TEPSIN: variants seen among roughly 807,000 people sequenced by gnomAD.
TEPSIN encodes the protein AP-4 complex accessory subunit tepsin.
Under a neutral mutation model 48.5 loss-of-function variants are expected in TEPSIN, and 50 were observed. That is an observed-to-expected ratio of 1.03 (90% CI 0.82 to 1.31). The LOEUF is 1.31. Among genes scored for constraint, TEPSIN ranks in the 50% most tolerant of loss-of-function variants. The pLI, the probability that TEPSIN is intolerant of heterozygous loss-of-function variation, is 0.00. For synonymous variants in TEPSIN, 392 were observed against 358.8 expected, an observed-to-expected ratio of 1.09 and a Z score of -1.05; for missense variants, 838 against 815.9, an observed-to-expected ratio of 1.03 and a Z score of -0.33.
At position 81,234,258 on chromosome 17, in the gene TEPSIN, C is replaced by G. The variant is rs61116961; in HGVS notation, c.308-210G>C. 0.035 allele frequency: 15,316 copies of G among 440,488 alleles called. 1,081 individuals are homozygous for G. Among genetic ancestry groups the G allele is most frequent in the African/African-American group, 0.21 (9,983 of 48,656 alleles). 27.3% of individuals were successfully genotyped at this position (440,488 alleles called of 1,614,324 possible). A position where few individuals can be genotyped will look rare whatever the true frequency, so the allele number is the denominator to read the frequency against. ...CCCCCTCACCCATGCCCCACAGAGG[C>G]GAGACTCTCTCCACAGCAACCACCT... On this transcript the variant is annotated intron_variant, in intron 4 of 12. Transcript: ENST00000637944. This position sits in a 1 kb window ranked among gnomAD's most constrained non-coding sequence, Gnocchi z 5.4.
chr17:81,238,707 G>A (rs2062770561), intron 1 of TEPSIN: 14 of 1,216,520 alleles, frequency 1.2e-5, no homozygotes, highest in Admixed American at 4.4e-5. Flanking sequence ...CCCGTCGGAG[G>A]CCACTGAATG....
intron 2 of TEPSIN, 69 bp from the exon 3 acceptor site, chr17:81,237,140 C>T: frequency 1.4e-6 from 2 of 1,474,054 alleles, no homozygotes; most frequent in Non-Finnish European, 1.8e-6. Context: ...GAGACCAGGC[C>T]ATGGGGCCTC....
In TEPSIN at chr17:81,228,934, G is replaced by T. The variant is rs753882637; in HGVS notation, c.1776C>A (p.Asn592Lys). 3 of 1,613,308 alleles carry T rather than the reference G, an allele frequency of 1.9e-6. No homozygotes were observed. The highest frequency in any genetic ancestry group is 2.5e-6 in the Non-Finnish European group (3 of 1,180,022). The change falls in exon 13 of 13, where the codon AAC becomes AAA. Residue 592 changes from asparagine to lysine, a missense_variant. By Grantham distance (94) the Asn-to-Lys change is moderately conservative (BLOSUM62 0). Transcript: ENST00000637944. ...CCAGGGCCAGGCCATCGGGTCAGGCGTTCAGGAACGCGAAAGCTGACGGCT... is the reference window on the plus strand; with the variant it reads ...CCAGGGCCAGGCCATCGGGTCAGGCTTTCAGGAACGCGAAAGCTGACGGCT... The part of the protein sequence containing the change: ...GSEPSAFAFL[N>K]A
At position 81,236,803 on chromosome 17, in the gene TEPSIN, TG is replaced by T; in HGVS notation, c.214-3del. The T allele has an allele frequency of 6.4e-7, 1 of 1,561,246 alleles. No individual in the cohort carries two copies. On this transcript the variant is annotated splice_polypyrimidine_tract_variant and splice_region_variant and intron_variant, in intron 3 of 12. Coordinates refer to ENST00000637944, the MANE Select transcript of TEPSIN (RefSeq NM_001363764.2). Reference sequence around the variant, plus strand: ...CAGATAGAGCAGGATCTTCAGCACCTGGGGAGTGGGGCGGTCAGCAGTGCTG... The same window carrying T: ...CAGATAGAGCAGGATCTTCAGCACCTGGGAGTGGGGCGGTCAGCAGTGCTG...
intron 8 of TEPSIN, 137 bp downstream of exon 8, chr17:81,232,178 G>C (rs2062627919): frequency 1.5e-6 from 2 of 1,307,720 alleles, no homozygotes; most frequent in Admixed American, 2.7e-5. Context: ...CAGCCCCATG[G>C]GCATGTGCTT....
In TEPSIN at chr17:81,237,476, G is replaced by A. The variant is rs762836514; in HGVS notation, c.49-17C>T. 1.2e-5 allele frequency: 19 copies of A among 1,600,872 alleles called. No individual in the cohort carries two copies. In the South Asian group the frequency reaches 2.1e-4, roughly 18 times the overall value. On this transcript the variant is annotated splice_polypyrimidine_tract_variant and intron_variant, in intron 1 of 12. Transcript: ENST00000637944. ...AATCGGGAGCTGAAAGGGAACAAGA[G>A]CCCCTACCATGATGAGGTGCCATTT...
In TEPSIN at chr17:81,233,553, G is replaced by T; in HGVS notation, c.455-50C>A. 1 of 1,563,712 alleles carries T rather than the reference G, an allele frequency of 6.4e-7. No homozygotes were observed. On this transcript the variant is annotated intron_variant, in intron 6 of 12. Coordinates refer to ENST00000637944, the MANE Select transcript of TEPSIN (RefSeq NM_001363764.2). The surrounding 1 kb of genome is among the most constrained non-coding windows in gnomAD (Gnocchi z 5.8). The stretch of plus-strand genomic sequence containing the variant: ...CAAGCCGGCCCCCACCCTCGGCCCT[G>T]CCCACGGATGGCACAGACACCCAGG...
Position 81,229,058 on chromosome 17 carries a change from A to G in TEPSIN, c.1652T>C (p.Val551Ala), listed in dbSNP as rs1431213571. ...GMELVACPRL[V>A]GAGAAAGESC... ...CTCTCCCGCAGCAGCCCCAGCCCCCACCAGGCGGGGACAGGCCACCAGCTC... is the reference window on the plus strand; with the variant it reads ...CTCTCCCGCAGCAGCCCCAGCCCCCGCCAGGCGGGGACAGGCCACCAGCTC... Residue 551 changes from valine (V) to alanine (A), a missense_variant, in exon 13 of 13, where the codon GTG becomes GCG. Physicochemically the swap from Val to Ala is moderately conservative, Grantham distance 64. Transcript: ENST00000637944. 1 of 1,613,410 alleles carries G rather than the reference A, an allele frequency of 6.2e-7. No homozygotes were observed. The highest frequency in any genetic ancestry group is 8.5e-7 in the Non-Finnish European group (1 of 1,179,926).
At chr17:81,237,915 G>A in intron 1 of TEPSIN, 2 of 941,984 alleles carry the variant, frequency 2.1e-6, no homozygotes, top group South Asian at 8.5e-5. Flanking sequence ...AGCGTGACTA[G>A]CTCCATCGCT....
intron 4 of TEPSIN, 26 bp downstream of exon 4, chr17:81,236,682 C>A (rs759363868): frequency 1.9e-6 from 3 of 1,549,470 alleles, no homozygotes; most frequent in Non-Finnish European, 2.6e-6. Context: ...CCTGGCTCTT[C>A]CTGAGCGCGT....
At chr17:81,231,104 CACA>C (rs1361793700) in intron 11 of TEPSIN, 2 of 545,164 alleles carry the variant, frequency 3.7e-6, no homozygotes, top group South Asian at 4.7e-5. Flanking sequence ...CACATACATA[CACA>C]ACCACACACA....
Position 81,233,267 on chromosome 17 carries a change from C to T in TEPSIN, c.526+165G>A, listed in dbSNP as rs2062655064. On this transcript the variant is annotated intron_variant, in intron 7 of 12. Coordinates refer to ENST00000637944, the MANE Select transcript of TEPSIN (RefSeq NM_001363764.2). This position sits in a 1 kb window ranked among gnomAD's most constrained non-coding sequence, Gnocchi z 5.8. ...CACACCTGCCCCACCCCCACGTCAGCAGCCAGAGAGAGACAGTGGGGACAG... is the reference window on the plus strand; with the variant it reads ...CACACCTGCCCCACCCCCACGTCAGTAGCCAGAGAGAGACAGTGGGGACAG... 1.2e-6 allele frequency: 1 copy of T among 806,596 alleles called. No homozygotes were observed. The highest frequency in any genetic ancestry group is 1.9e-6 in the Non-Finnish European group (1 of 525,764). 50.0% of individuals were successfully genotyped at this position (806,596 alleles called of 1,614,324 possible). A position where few individuals can be genotyped will look rare whatever the true frequency, so the allele number is the denominator to read the frequency against.
Position 81,230,456 on chromosome 17 carries a change from G to T in TEPSIN, c.1233+88C>A. On this transcript the variant is annotated intron_variant, in intron 12 of 12. Coordinates refer to ENST00000637944, the MANE Select transcript of TEPSIN (RefSeq NM_001363764.2). This position sits in a 1 kb window ranked among gnomAD's most constrained non-coding sequence, Gnocchi z 4.2. Reference sequence around the variant, plus strand: ...GTCCGGGAAGGGCTGACCAGGCGCCGGGCAGGGACGGGGTGGCCGTGGACT... The same window carrying T: ...GTCCGGGAAGGGCTGACCAGGCGCCTGGCAGGGACGGGGTGGCCGTGGACT... The T allele has an allele frequency of 6.5e-7, 1 of 1,541,846 alleles. No individual in the cohort carries two copies. Among genetic ancestry groups the T allele is most frequent in the East Asian group, 2.3e-5 (1 of 42,680 alleles).
chr17:81,234,709 T>C lies in TEPSIN; in HGVS notation c.308-661A>G, dbSNP rs1381427524. On this transcript the variant is annotated intron_variant, in intron 4 of 12. Transcript: ENST00000637944. This position sits in a 1 kb window ranked among gnomAD's most constrained non-coding sequence, Gnocchi z 5.4. ...TCCCGTGATTCGGAGACGATGCTCC[T>C]GGCTGTCCCTGGGCCCAGGGCTGGC... 2.0e-5 allele frequency among the ~76,000 whole-genome samples: 3 copies of C among 152,032 alleles called. No homozygotes were observed. The highest frequency in any genetic ancestry group is 2.9e-5 in the Non-Finnish European group (2 of 67,992).
At chr17:81,238,166 A>C in intron 1 of TEPSIN, 1 of 985,752 alleles carries the variant, frequency 1.0e-6, no homozygotes, top group Non-Finnish European at 1.2e-6. Flanking sequence ...AGATCTAGTG[A>C]CAACATACGA....
intron 11 of TEPSIN, 53 bp downstream of exon 11, chr17:81,231,339 ACACACG>A (rs1313831632): frequency 1.2e-5 from 17 of 1,393,778 alleles, no homozygotes; most frequent in South Asian, 5.5e-5. Context: ...GCACACGCAC[ACACACG>A]CACACAGGCA....
Position 81,233,404 on chromosome 17 carries a change from A to G in TEPSIN, c.526+28T>C, listed in dbSNP as rs775553251. 6.2e-7 allele frequency: 1 copy of G among 1,607,434 alleles called. No homozygotes were observed. The highest frequency in any genetic ancestry group is 2.2e-5 in the East Asian group (1 of 44,772). On this transcript the variant is annotated intron_variant, in intron 7 of 12. Coordinates refer to ENST00000637944, the MANE Select transcript of TEPSIN (RefSeq NM_001363764.2). The surrounding 1 kb of genome is among the most constrained non-coding windows in gnomAD (Gnocchi z 5.8). ...CCTCATCCCCACACCCTGAGATGCCAGAGCCCATGCAGGCCCTCCCCACTC... is the reference window on the plus strand; with the variant it reads ...CCTCATCCCCACACCCTGAGATGCCGGAGCCCATGCAGGCCCTCCCCACTC...
chr17:81,231,166 A>C (rs1019222642), intron 11 of TEPSIN: 3 of 583,694 alleles, frequency 5.1e-6, no homozygotes, highest in African/African-American at 3.7e-5. Flanking sequence ...ACACACGTGC[A>C]CAAGTGTGTA....
chr17:81,237,684 G>C (rs1317942373), intron 1 of TEPSIN: 1 of 600,566 alleles, frequency 1.7e-6, no homozygotes, highest in Non-Finnish European at 2.9e-6. Flanking sequence ...CAAATCAATG[G>C]TGGTTCTCCA....
Sources: allele counts gnomAD v4.1 joint callset (sites outside exome capture counted in the v4.1 genomes callset), GRCh38; gene constraint gnomAD v4.1.1; non-coding constraint Gnocchi (gnomAD v3.1); transcripts MANE v1.5; gene names NCBI Gene and HGNC (gene_info 2026-07-23, HGNC 2026-07-21).